The following CNTN1 variants were observed in gnomAD, a reference collection of about 807,000 sequenced individuals.
CNTN1 encodes contactin 1.
Under a neutral mutation model 126.4 loss-of-function variants are expected in CNTN1, and 38 were observed. The observed-to-expected ratio is 0.30, with a 90% confidence interval of 0.23 to 0.39. The LOEUF (loss-of-function observed/expected upper bound fraction) is 0.39. Ranked by LOEUF, CNTN1 falls within the 10% of genes least tolerant of loss-of-function variation. The probability of loss-of-function intolerance (pLI) is 1.00; values close to 1 mark genes in which losing one functional copy is unlikely to be tolerated. For missense variants in CNTN1, 1,009 were observed against 1,248.4 expected (o/e 0.81, Z 2.89); for synonymous variants, 413 against 422.6 (o/e 0.98, Z 0.28).
intron 1 of CNTN1, among the ~76,000 whole-genome samples, chr12:40,730,264 C>T (rs999260179): frequency 4.6e-5 from 7 of 152,216 alleles, no homozygotes; most frequent in South Asian, 2.1e-4. Context: ...TATGCCAAAC[C>T]GCTAGTTGGT....
rs200857744 is a variant in CNTN1, at chr12:41,043,060, TAGG to T, written c.2980+13842_2980+13844del. Among the ~76,000 whole-genome samples the T allele has an allele frequency of 5.0e-3, 762 of 152,278 alleles. 7 individuals carry two copies. Among genetic ancestry groups the T allele is most frequent in the African/African-American group, 0.017 (723 of 41,550 alleles). On this transcript the variant is annotated intron_variant, in intron 23 of 23. Coordinates refer to ENST00000551295, the MANE Select transcript of CNTN1 (RefSeq NM_001843.4). ...ACCATAAAAACCCTAGAAGAAAACC[TAGG>T]CATTACCATTCAAGACATAGGCATG...
At position 40,773,718 on chromosome 12, in the gene CNTN1, C is replaced by T. The variant is rs866879027; in HGVS notation, c.-77+81126C>T. 7.9e-4 allele frequency among the ~76,000 whole-genome samples: 44 copies of T among 55,476 alleles called. 2 individuals are homozygous for T. The highest frequency in any genetic ancestry group is 2.4e-3 in the African/African-American group (43 of 17,658). The allele number at this position is 55,476 out of a possible 152,430, so 36.4% of individuals were successfully genotyped here. A position where few individuals can be genotyped will look rare whatever the true frequency, so the allele number is the denominator to read the frequency against. ...ACACATATATATATATATATATACA[C>T]ATATATATATATATGTTGCTATTCT... On this transcript the variant is annotated intron_variant, in intron 1 of 23. Coordinates refer to ENST00000551295, the MANE Select transcript of CNTN1 (RefSeq NM_001843.4).
At chr12:40,845,493 A>G (rs1468785779) in intron 1 of CNTN1, among the ~76,000 whole-genome samples, 1 of 152,206 alleles carries the variant, frequency 6.6e-6, no homozygotes, top group Non-Finnish European at 1.5e-5. Context: ...ACCAAGTAAA[A>G]GAAGAACTAT....
intron 1 of CNTN1, among the ~76,000 whole-genome samples, chr12:40,709,135 T>A (rs1352380776): frequency 6.6e-6 from 1 of 152,194 alleles, no homozygotes; most frequent in Non-Finnish European, 1.5e-5. Context: ...AACTTGAAAG[T>A]CAGAATTACT....
At chr12:40,850,079 C>A (rs1942663399) in intron 1 of CNTN1, among the ~76,000 whole-genome samples, 1 of 151,976 alleles carries the variant, frequency 6.6e-6, no homozygotes. Context: ...ATGCTTGTAT[C>A]TTTAGCATTA....
At chr12:40,721,008 T>C (rs1942194576) in intron 1 of CNTN1, among the ~76,000 whole-genome samples, 1 of 151,778 alleles carries the variant, frequency 6.6e-6, no homozygotes, top group Admixed American at 6.6e-5. Flanking sequence ...TTTATACATA[T>C]ATGTAGTCAG....
chr12:40,787,929 T>G (rs1366494406), intron 1 of CNTN1, among the ~76,000 whole-genome samples: 1 of 152,172 alleles, frequency 6.6e-6, no homozygotes, highest in East Asian at 1.9e-4. Flanking sequence ...AGAATATTAG[T>G]GTTAAACAGA....
At position 41,051,403 on chromosome 12, in the gene CNTN1, G is replaced by A. The variant is rs150429150; in HGVS notation, c.2981-18556G>A. Among the ~76,000 whole-genome samples the A allele has an allele frequency of 7.6e-3, 1,155 of 151,498 alleles. 11 individuals are homozygous for A. The highest frequency in any genetic ancestry group is 0.027 in the African/African-American group (1,109 of 41,296). On this transcript the variant is annotated intron_variant, in intron 23 of 23. Coordinates refer to ENST00000551295, the MANE Select transcript of CNTN1 (RefSeq NM_001843.4). Reference sequence around the variant, plus strand: ...CCTGACCTCGTGATCCACCCACCTCGGCCTCCCAAAGTGCTGGGATTACAG... The same window carrying A: ...CCTGACCTCGTGATCCACCCACCTCAGCCTCCCAAAGTGCTGGGATTACAG...
At chr12:40,815,966 A>G (rs1027608691) in intron 1 of CNTN1, among the ~76,000 whole-genome samples, 4 of 152,148 alleles carry the variant, frequency 2.6e-5, no homozygotes, top group South Asian at 2.1e-4. Context: ...TGATTTGTGT[A>G]TGTTGAACCA....
At chr12:40,780,099 T>C (rs1939733618) in intron 1 of CNTN1, among the ~76,000 whole-genome samples, 1 of 151,930 alleles carries the variant, frequency 6.6e-6, no homozygotes, top group Non-Finnish European at 1.5e-5. Flanking sequence ...TAGACCATAG[T>C]CCTACCATGC....
chr12:40,839,574 G>A lies in CNTN1; in HGVS notation c.-76-68783G>A, dbSNP rs1443491081. Among the ~76,000 whole-genome samples, 4 of 152,108 alleles carry A rather than the reference G, an allele frequency of 2.6e-5. No individual in the cohort carries two copies. The South Asian group carries it at 8.3e-4, about 31-fold the overall frequency. On this transcript the variant is annotated intron_variant, in intron 1 of 23. Transcript: ENST00000551295. The stretch of plus-strand genomic sequence containing the variant: ...TAAAGGGAACCCCATTAGATTAAAA[G>A]CAGATTTGTCAGTTGAACACTTACA...
At chr12:40,840,077 C>G (rs1209523233) in intron 1 of CNTN1, among the ~76,000 whole-genome samples, 3 of 151,854 alleles carry the variant, frequency 2.0e-5, no homozygotes, top group Non-Finnish European at 4.4e-5. Context: ...AAACATGAAC[C>G]AACTTTTGCT....
At chr12:40,920,086 A>T (rs1006638299) in intron 4 of CNTN1, among the ~76,000 whole-genome samples, 1 of 152,206 alleles carries the variant, frequency 6.6e-6, no homozygotes, top group Non-Finnish European at 1.5e-5. Flanking sequence ...CCAATGAGGT[A>T]TGCAATTTTT....
intron 1 of CNTN1, among the ~76,000 whole-genome samples, chr12:40,892,822 A>G (rs1270865110): frequency 6.6e-6 from 1 of 152,048 alleles, no homozygotes; most frequent in Non-Finnish European, 1.5e-5. Context: ...AGGTCAAAAC[A>G]TGGTGCTTTT....
intron 8 of CNTN1, 37 bp from the exon 9 acceptor site, chr12:40,933,660 T>C (rs369343021): frequency 2.9e-5 from 46 of 1,591,890 alleles, no homozygotes; most frequent in Non-Finnish European, 3.9e-5. Context: ...GTCTTTTAAG[T>C]GTGTGAAACT....
chr12:40,862,510 T>C (rs1469080872), intron 1 of CNTN1, among the ~76,000 whole-genome samples: 1 of 152,218 alleles, frequency 6.6e-6, no homozygotes, highest in Non-Finnish European at 1.5e-5. Context: ...GCTTTTTTTG[T>C]TACCCAGGTT....
chr12:40,983,880 T>A (rs7138544), intron 16 of CNTN1, among the ~76,000 whole-genome samples: 7,292 of 68,852 alleles, frequency 0.11, 694 homozygotes, highest in African/African-American at 0.24. Flanking sequence ...ATATTTTATT[T>A]TATGCTATTA....
intron 1 of CNTN1, among the ~76,000 whole-genome samples, chr12:40,752,088 TA>T (rs1938425616): frequency 6.6e-6 from 1 of 152,158 alleles, no homozygotes; most frequent in South Asian, 2.1e-4. Flanking sequence ...TAAGTTTTTT[TA>T]TGAGCCATTA....
intron 9 of CNTN1, among the ~76,000 whole-genome samples, chr12:40,935,540 C>T (rs1259549472): frequency 2.0e-5 from 3 of 152,062 alleles, no homozygotes; most frequent in African/African-American, 7.2e-5. Flanking sequence ...TAGACTGTGT[C>T]AAGCCAATTC....
Sources: gnomAD v4.1 joint callset for allele counts (sites outside exome capture counted in the v4.1 genomes callset) on GRCh38, gnomAD v4.1.1 for gene constraint, MANE v1.5 for transcripts, NCBI Gene and HGNC (gene_info 2026-07-23, HGNC 2026-07-21) for gene names.